Variants in FATE1 observed in about 807,000 individuals in gnomAD.
The protein encoded by FATE1 is fetal and adult testis-expressed transcript protein.
In FATE1, 18 loss-of-function variants were observed where a neutral mutation model predicts 16.0. The ratio of observed to expected loss-of-function variants is 1.12; its 90% CI spans 0.78 to 1.66. The LOEUF (loss-of-function observed/expected upper bound fraction) is 1.66. Ranked by LOEUF, FATE1 falls within the 40% of genes most tolerant of loss-of-function variation. The pLI, the probability that FATE1 is intolerant of heterozygous loss-of-function variation, is 0.00. For missense variants in FATE1, 169 were observed against 152.7 expected (o/e 1.11, Z -0.56); for synonymous variants, 76 against 56.9 (o/e 1.34, Z -1.51).
In FATE1 at chrX:151,721,466, T is replaced by C; in HGVS notation, c.306T>C (p.Ala102=). The C allele has an allele frequency of 8.3e-7, 1 of 1,211,916 alleles. No homozygotes were observed. The highest frequency in any genetic ancestry group is 1.1e-6 in the Non-Finnish European group (1 of 895,296). The part of the protein sequence containing the change: ...GHGDAHLQEY[A]GNFQGIRFHY... ...GGGATGCCCATCTCCAGGAGTACGC[T>C]GGCAATTTCCAAGGCATACGTTTCC... The change falls in exon 3 of 5, where the codon GCT becomes GCC. Residue 102 remains alanine (A), a synonymous_variant. Coordinates refer to ENST00000370350, the MANE Select transcript of FATE1 (RefSeq NM_033085.3).
At chrX:151,717,905 G>A (rs1236361046) in intron 2 of FATE1, among the ~76,000 whole-genome samples, 1 of 110,380 alleles carries the variant, frequency 9.1e-6, no homozygotes, top group African/African-American at 3.3e-5. Context: ...GGCCAGCATG[G>A]TAAAACCCCG....
chrX:151,721,817 C>G, intron 3 of FATE1, 86 bp from the exon 4 acceptor site: 1 of 836,741 alleles, frequency 1.2e-6, no homozygotes, highest in Non-Finnish European at 1.8e-6. Context: ...AAGATCACGA[C>G]CTTACCTGCT....
chrX:151,716,220 T>C lies in FATE1; in HGVS notation c.101T>C (p.Ile34Thr). The part of the protein sequence containing the change: ...RQGENQEHLV[I>T]AEMMELGSRS... ...GGGGAAAACCAAGAGCACCTGGTGA[T>C]AGCAGGTGAGGATCCCCTAAAATAC... The change falls in exon 1 of 5, where the codon ATA becomes ACA. Residue 34 changes from isoleucine to threonine, a missense_variant. Coordinates refer to ENST00000370350, the MANE Select transcript of FATE1 (RefSeq NM_033085.3). 5 of 1,164,349 alleles carry C rather than the reference T, an allele frequency of 4.3e-6. No individual in the cohort carries two copies. The highest frequency in any genetic ancestry group is 5.7e-6 in the Non-Finnish European group (5 of 869,874).
chrX:151,722,568 G>C, intron 4 of FATE1, 60 bp from the exon 5 acceptor site: 1 of 1,204,963 alleles, frequency 8.3e-7, no homozygotes, highest in Non-Finnish European at 1.1e-6. Context: ...TCCCATGGCT[G>C]TGCTGTGGGC....
chrX:151,722,214 A>G lies in FATE1; in HGVS notation c.420+233A>G, dbSNP rs187362139. On this transcript the variant is annotated intron_variant, in intron 4 of 4. Transcript: ENST00000370350. ...ATGCTGGTAGGGAATAGGGGCAGAT[A>G]AAAGGTGGAGGAAGAGGGAACATAC... Among the ~76,000 whole-genome samples, 225 of 111,552 alleles carry G rather than the reference A, an allele frequency of 2.0e-3. 1 individual carries two copies. The highest frequency in any genetic ancestry group is 7.1e-3 in the African/African-American group (218 of 30,689).
Position 151,723,021 on chromosome X carries a change from G to A in FATE1, c.*262G>A. The A allele has an allele frequency of 2.9e-6, 1 of 344,820 alleles. No individual in the cohort carries two copies. The highest frequency in any genetic ancestry group is 5.0e-6 in the Non-Finnish European group (1 of 198,970). The allele number at this position is 344,820 out of a possible 1,213,427, so 28.4% of individuals were successfully genotyped here. ...AGGGTGAACAGCATGGCGGCATCTG[G>A]GCCCCACAGTAACACCTAGTGGCAA... On this transcript the variant is annotated 3_prime_UTR_variant, in exon 5 of 5. Transcript: ENST00000370350.
intron 2 of FATE1, 126 bp from the exon 3 acceptor site, chrX:151,721,269 G>C: frequency 3.5e-6 from 2 of 579,220 alleles, no homozygotes; most frequent in Non-Finnish European, 2.8e-6. Flanking sequence ...GAAGCTGCCA[G>C]CCCTTGATTC....
chrX:151,719,105 G>T (rs1239976505), intron 2 of FATE1, among the ~76,000 whole-genome samples: 4 of 111,698 alleles, frequency 3.6e-5, no homozygotes, highest in Admixed American at 2.8e-4. Context: ...TTGACTACAA[G>T]GGCTAGAGGT....
chrX:151,716,275 G>A (rs1257183345), intron 1 of FATE1, 50 bp downstream of exon 1: 16 of 1,021,751 alleles, frequency 1.6e-5, no homozygotes, highest in African/African-American at 1.5e-4. Flanking sequence ...GTGTAGATAC[G>A]TGTCTATACC....
intron 2 of FATE1, among the ~76,000 whole-genome samples, chrX:151,718,573 G>A (rs1195598327): frequency 1.8e-5 from 2 of 112,339 alleles, no homozygotes; most frequent in East Asian, 2.8e-4. Context: ...TGGAGAGGGA[G>A]GGAGGCCTGA....
At chrX:151,719,876 ATT>A (rs893780467) in intron 2 of FATE1, among the ~76,000 whole-genome samples, 3 of 111,493 alleles carry the variant, frequency 2.7e-5, no homozygotes, top group African/African-American at 9.8e-5. Flanking sequence ...TTGGTTGTCT[ATT>A]TTTTTGTAAG....
intron 2 of FATE1, among the ~76,000 whole-genome samples, chrX:151,720,426 G>T (rs1455939745): frequency 8.9e-6 from 1 of 112,009 alleles, no homozygotes; most frequent in Non-Finnish European, 1.9e-5. Flanking sequence ...CTGGCAATTA[G>T]TGGAGCCTTA....
chrX:151,719,361 TAAC>T (rs1429937978), intron 2 of FATE1, among the ~76,000 whole-genome samples: 1 of 112,245 alleles, frequency 8.9e-6, no homozygotes, highest in East Asian at 2.8e-4. Context: ...GAAATTAAAA[TAAC>T]ATTTTTTGAA....
In FATE1 at chrX:151,716,082, A is replaced by T; in HGVS notation, c.-38A>T. 9.0e-7 allele frequency: 1 copy of T among 1,111,386 alleles called. No individual in the cohort carries two copies. The allele number at this position is 1,111,386 out of a possible 1,213,427, so 91.6% of individuals were successfully genotyped here. ...CTCCTCTGTTCCTGGCACCCTGTGCATCCTTAGCCATAGCTTACAAGAGAA... is the reference window on the plus strand; with the variant it reads ...CTCCTCTGTTCCTGGCACCCTGTGCTTCCTTAGCCATAGCTTACAAGAGAA... On this transcript the variant is annotated 5_prime_UTR_variant, in exon 1 of 5. Coordinates refer to ENST00000370350, the MANE Select transcript of FATE1 (RefSeq NM_033085.3).
At chrX:151,722,024 G>A in intron 4 of FATE1, 43 bp downstream of exon 4, 2 of 1,132,697 alleles carry the variant, frequency 1.8e-6, no homozygotes, top group Non-Finnish European at 2.4e-6. Flanking sequence ...GAATCACAGT[G>A]CCTTGGAATA....
Position 151,717,550 on chromosome X carries a change from G to A in FATE1, c.234+151G>A, listed in dbSNP as rs766099559. ...GCTCCAAGCTGGCAAATGAGGACAG[G>A]AAGTTCCAATTAAAGGTCAGGGTCA... On this transcript the variant is annotated intron_variant, in intron 2 of 4. Coordinates refer to ENST00000370350, the MANE Select transcript of FATE1 (RefSeq NM_033085.3). The A allele has an allele frequency of 5.0e-5, 33 of 657,519 alleles. No individual in the cohort carries two copies. The South Asian group carries it at 8.6e-4, about 17-fold the overall frequency. 54.2% of individuals were successfully genotyped at this position (657,519 alleles called of 1,213,427 possible). A position where few individuals can be genotyped will look rare whatever the true frequency, so the allele number is the denominator to read the frequency against.
intron 2 of FATE1, among the ~76,000 whole-genome samples, chrX:151,718,114 A>AAGGAAGGAAGGAAGGAAGGAAGGG: frequency 7.0e-5 from 1 of 14,206 alleles, no homozygotes; most frequent in South Asian, 4.3e-3. Context: ...GAGAGAGAGG[A>AAGGAAGGAAGGAAGGAAGGAAGGG]AGGAAGGAAG....
At chrX:151,722,168 A>G (rs1482803912) in intron 4 of FATE1, among the ~76,000 whole-genome samples, 187 bp downstream of exon 4, 1 of 111,012 alleles carries the variant, frequency 9.0e-6, no homozygotes, top group East Asian at 2.9e-4. Context: ...GTCCAGCCTC[A>G]AACTCACTGC....
rs775846455 is a variant in FATE1 at position 151,721,430 on chromosome X, A to G, written c.270A>G (p.Glu90=). 4.1e-6 allele frequency: 5 copies of G among 1,211,072 alleles called. No homozygotes were observed. The African/African-American group carries it at 7.0e-5, about 17-fold the overall frequency. ...SQLPKPRMLR[E]SGHGDAHLQE... is the part of the protein sequence containing the mutation. ...TGCCAAAGCCCAGAATGCTGAGAGA[A>G]TCAGGCCATGGGGATGCCCATCTCC... Residue 90 remains glutamate (E), a synonymous_variant, in exon 3 of 5, where the codon GAA becomes GAG. Transcript: ENST00000370350.
Sources: allele counts gnomAD v4.1 joint callset (sites outside exome capture counted in the v4.1 genomes callset), GRCh38; gene constraint gnomAD v4.1.1; transcripts MANE v1.5; gene names NCBI Gene and HGNC (gene_info 2026-07-23, HGNC 2026-07-21).